The following PDE8B variants were observed in gnomAD, a reference collection of about 807,000 sequenced individuals.
PDE8B encodes the protein high affinity cAMP-specific and IBMX-insensitive 3',5'-cyclic phosphodiesterase 8B.
In PDE8B, 26 loss-of-function variants were observed where a neutral mutation model predicts 101.3. That is an observed-to-expected ratio of 0.26 (90% CI 0.19 to 0.36). PDE8B has a LOEUF of 0.36. Ranked by LOEUF, PDE8B falls within the 10% of genes least tolerant of loss-of-function variation. The probability of loss-of-function intolerance (pLI) is 1.00; values close to 1 mark genes in which losing one functional copy is unlikely to be tolerated. For synonymous variants in PDE8B, 424 were observed against 429.3 expected, an observed-to-expected ratio of 0.99 and a Z score of 0.15; for missense variants, 810 against 1,163.1, an observed-to-expected ratio of 0.70 and a Z score of 4.42.
At chr5:77,395,256 A>G (rs1790764142) in intron 10 of PDE8B, among the ~76,000 whole-genome samples, 1 of 150,948 alleles carries the variant, frequency 6.6e-6, no homozygotes, top group Admixed American at 6.6e-5. Flanking sequence ...AGCTGGGACT[A>G]CAGGCACCCG....
chr5:77,287,442 A>G (rs1378907346), intron 1 of PDE8B, among the ~76,000 whole-genome samples: 1 of 147,570 alleles, frequency 6.8e-6, no homozygotes, highest in African/African-American at 2.5e-5. Context: ...TTTTTTCTTC[A>G]TATTTTTTTT....
the PDE8B span, among the ~76,000 whole-genome samples, chr5:77,095,564 A>T: frequency 6.6e-6 from 1 of 152,088 alleles, no homozygotes; most frequent in Non-Finnish European, 1.5e-5. Context: ...CCCAGTTGAG[A>T]TGTCTTTGGT....
At chr5:77,158,525 G>A in the PDE8B span, among the ~76,000 whole-genome samples, 1 of 152,294 alleles carries the variant, frequency 6.6e-6, no homozygotes, top group East Asian at 1.9e-4. Context: ...AATTGCAGCA[G>A]GAAATTAAAG....
intron 1 of PDE8B, among the ~76,000 whole-genome samples, chr5:77,282,081 G>T (rs950996849): frequency 6.6e-6 from 1 of 152,060 alleles, no homozygotes; most frequent in Non-Finnish European, 1.5e-5. Flanking sequence ...ATGCAATCCT[G>T]TTCAGCCTGA....
At chr5:77,286,655 C>G (rs1766075460) in intron 1 of PDE8B, among the ~76,000 whole-genome samples, 1 of 152,188 alleles carries the variant, frequency 6.6e-6, no homozygotes, top group Admixed American at 6.5e-5. Context: ...TTTACTCGTT[C>G]TTACTGGAAG....
chr5:77,300,579 A>G (rs781021817), intron 1 of PDE8B, among the ~76,000 whole-genome samples: 14 of 152,200 alleles, frequency 9.2e-5, no homozygotes, highest in Non-Finnish European at 1.8e-4. Flanking sequence ...CAAGGAAGAA[A>G]TATAGTTCCT....
chr5:77,147,245 T>C, the PDE8B span: 2 of 300,064 alleles, frequency 6.7e-6, no homozygotes, highest in Non-Finnish European at 1.3e-5. Flanking sequence ...AAGAAAGACA[T>C]TGAGATGTAA....
the PDE8B span, among the ~76,000 whole-genome samples, chr5:77,094,034 G>A: frequency 6.6e-6 from 1 of 152,026 alleles, no homozygotes; most frequent in Non-Finnish European, 1.5e-5. Flanking sequence ...AGTCCTGGAG[G>A]TTTGGTTAGA....
chr5:77,117,054 A>G, the PDE8B span, among the ~76,000 whole-genome samples: 1 of 152,138 alleles, frequency 6.6e-6, no homozygotes, highest in Non-Finnish European at 1.5e-5. Context: ...TGCTTGGGGC[A>G]CACACCCCAT....
the PDE8B span, among the ~76,000 whole-genome samples, chr5:77,162,962 G>T: frequency 6.6e-6 from 1 of 152,158 alleles, no homozygotes; most frequent in Non-Finnish European, 1.5e-5. Context: ...GCTTTAACCA[G>T]ACTTAAGGAC....
At chr5:77,277,952 A>G (rs1043070500) in intron 1 of PDE8B, among the ~76,000 whole-genome samples, 1 of 152,238 alleles carries the variant, frequency 6.6e-6, no homozygotes, top group Non-Finnish European at 1.5e-5. Flanking sequence ...TATCTTTCAC[A>G]GAGTCAGAGC....
intron 1 of PDE8B, among the ~76,000 whole-genome samples, chr5:77,255,751 G>A (rs1410837260): frequency 6.6e-6 from 1 of 152,230 alleles, no homozygotes; most frequent in Admixed American, 6.5e-5. Context: ...GGAAGGTTGA[G>A]GTTCCTGGTT....
intron 10 of PDE8B, among the ~76,000 whole-genome samples, chr5:77,387,867 G>T (rs1019234838): frequency 6.6e-6 from 1 of 151,028 alleles, no homozygotes; most frequent in African/African-American, 2.4e-5. Context: ...TGATCAATTC[G>T]GCTATTGATA....
chr5:77,276,252 G>A (rs1250067180), intron 1 of PDE8B, among the ~76,000 whole-genome samples: 2 of 151,940 alleles, frequency 1.3e-5, no homozygotes, highest in East Asian at 1.9e-4. Context: ...GGGCCTTTGC[G>A]CCTGCTGTTC....
intron 12 of PDE8B, among the ~76,000 whole-genome samples, chr5:77,406,738 G>C (rs1468494186): frequency 6.6e-6 from 1 of 152,216 alleles, no homozygotes; most frequent in Non-Finnish European, 1.5e-5. Context: ...TGCTTTTCAA[G>C]TCAAGCTTCT....
intron 1 of PDE8B, among the ~76,000 whole-genome samples, chr5:77,265,575 C>G (rs1005080536): frequency 6.6e-6 from 1 of 152,038 alleles, no homozygotes; most frequent in Non-Finnish European, 1.5e-5. Flanking sequence ...TTTTAAAACT[C>G]CCATCCATAA....
chr5:77,091,485 T>C, the PDE8B span, among the ~76,000 whole-genome samples: 1 of 151,450 alleles, frequency 6.6e-6, no homozygotes. Flanking sequence ...ACTAGAAAAA[T>C]ACAAAAATTA....
At chr5:77,364,355 G>A (rs1257705754) in intron 10 of PDE8B, among the ~76,000 whole-genome samples, 2 of 152,168 alleles carry the variant, frequency 1.3e-5, no homozygotes, top group East Asian at 1.9e-4. Context: ...TCAAAGCAGT[G>A]TTCATCACAT....
chr5:77,417,079 C>T lies in PDE8B; in HGVS notation c.1912-1150C>T, dbSNP rs1038466265. On this transcript the variant is annotated intron_variant, in intron 17 of 21. Coordinates refer to ENST00000264917, the MANE Select transcript of PDE8B (RefSeq NM_003719.5). The stretch of plus-strand genomic sequence containing the variant: ...TCACTTCCTTGGAAGTGACCACCCT[C>T]GAAATCCATGTTATCCGATATGGTA... Among the ~76,000 whole-genome samples the T allele has an allele frequency of 3.3e-5, 5 of 152,150 alleles. No individual in the cohort carries two copies. The South Asian group carries it at 1.0e-3, about 32-fold the overall frequency.
Sources: gnomAD v4.1 joint callset for allele counts (sites outside exome capture counted in the v4.1 genomes callset) on GRCh38, gnomAD v4.1.1 for gene constraint, MANE v1.5 for transcripts, NCBI Gene and HGNC (gene_info 2026-07-23, HGNC 2026-07-21) for gene names.